ZNF146: variants seen among roughly 807,000 people sequenced by gnomAD.
ZNF146 encodes zinc finger protein 146.
Under a neutral mutation model 22.2 loss-of-function variants are expected in ZNF146, and 9 were observed. The observed-to-expected ratio is 0.41, with a 90% CI of 0.24 to 0.71. The LOEUF (loss-of-function observed/expected upper bound fraction) is 0.71. Ranked by LOEUF, ZNF146 falls within the 30% of genes least tolerant of loss-of-function variation. ZNF146 has a pLI of 0.34. For synonymous variants in ZNF146, 108 were observed against 119.2 expected (o/e 0.91, Z 0.61); for missense variants, 194 against 344.8 (o/e 0.56, Z 3.46).
chr19:36,233,532 CCTT>C (rs1191123248), intron 3 of ZNF146, among the ~76,000 whole-genome samples: 1 of 151,820 alleles, frequency 6.6e-6, no homozygotes, highest in African/African-American at 2.4e-5. Flanking sequence ...TCTTGAGTTC[CCTT>C]AGTATTTATT....
chr19:36,235,211 A>C (rs539183089), intron 3 of ZNF146, among the ~76,000 whole-genome samples: 2 of 140,974 alleles, frequency 1.4e-5, no homozygotes, highest in Non-Finnish European at 3.1e-5. Flanking sequence ...CCGTCTCAAA[A>C]AAAAAAAAAG....
chr19:36,235,242 A>G (rs79066581), intron 3 of ZNF146, among the ~76,000 whole-genome samples: 1,692 of 151,348 alleles, frequency 0.011, 32 homozygotes, highest in African/African-American at 0.039. Flanking sequence ...GATGAACATT[A>G]TTTTTCTTCC....
intron 2 of ZNF146, among the ~76,000 whole-genome samples, chr19:36,222,448 A>G (rs938285170): frequency 2.0e-4 from 30 of 152,210 alleles, no homozygotes; most frequent in African/African-American, 6.8e-4. Context: ...CTAGACTGCT[A>G]TTAATACAAA....
intron 2 of ZNF146, among the ~76,000 whole-genome samples, chr19:36,221,329 C>T (rs1328506559): frequency 1.2e-4 from 17 of 144,182 alleles, no homozygotes. Context: ...CACTCTGTCC[C>T]CTAGGCTGGA....
chr19:36,233,240 G>C (rs886698455), intron 3 of ZNF146, among the ~76,000 whole-genome samples: 37 of 152,026 alleles, frequency 2.4e-4, no homozygotes, highest in Admixed American at 3.3e-4. Flanking sequence ...AAAATTAGGC[G>C]TGGTGATGCA....
At chr19:36,230,845 A>G (rs910087300) in intron 3 of ZNF146, among the ~76,000 whole-genome samples, 20 of 152,138 alleles carry the variant, frequency 1.3e-4, no homozygotes, top group African/African-American at 4.8e-4. Flanking sequence ...TCTGTCACCC[A>G]GGCTGGAGTA....
At chr19:36,221,545 C>T (rs1031572460) in intron 2 of ZNF146, among the ~76,000 whole-genome samples, 1 of 152,100 alleles carries the variant, frequency 6.6e-6, no homozygotes, top group Non-Finnish European at 1.5e-5. Flanking sequence ...GCATCAGCCT[C>T]CCAAAGTACT....
intron 1 of ZNF146, among the ~76,000 whole-genome samples, chr19:36,215,621 A>T (rs185390035): frequency 6.6e-6 from 1 of 152,010 alleles, no homozygotes; most frequent in Admixed American, 6.6e-5. Flanking sequence ...ATATAAAAGC[A>T]TTTCTTTTTA....
intron 2 of ZNF146, among the ~76,000 whole-genome samples, chr19:36,227,884 G>A (rs1383169706): frequency 3.3e-5 from 5 of 152,168 alleles, no homozygotes; most frequent in Admixed American, 2.0e-4. Context: ...AATAGGACAC[G>A]GCACGGTGGC....
intron 2 of ZNF146, among the ~76,000 whole-genome samples, chr19:36,221,284 CTTTTTTTTT>C (rs74172797): frequency 8.3e-4 from 82 of 98,690 alleles, no homozygotes; most frequent in African/African-American, 3.4e-3. Context: ...TAAGGGACTG[CTTTTTTTTT>C]TTTTTTTTTT....
intron 2 of ZNF146, among the ~76,000 whole-genome samples, chr19:36,218,440 T>C (rs1255236127): frequency 6.6e-6 from 1 of 152,008 alleles, no homozygotes; most frequent in Non-Finnish European, 1.5e-5. Flanking sequence ...TCTGAAAGAA[T>C]AAGATATGTA....
chr19:36,222,913 G>A (rs868406013), intron 2 of ZNF146, among the ~76,000 whole-genome samples: 5 of 148,212 alleles, frequency 3.4e-5, no homozygotes, highest in African/African-American at 1.2e-4. Context: ...TTACATAGCC[G>A]TGCTTAGAAT....
intron 2 of ZNF146, among the ~76,000 whole-genome samples, chr19:36,227,234 C>A (rs766318047): frequency 7.0e-6 from 1 of 142,098 alleles, no homozygotes; most frequent in Non-Finnish European, 1.5e-5. Context: ...ACTAAAATTA[C>A]AAAAATTAGC....
intron 2 of ZNF146, among the ~76,000 whole-genome samples, chr19:36,227,274 A>G (rs1166209211): frequency 1.3e-5 from 2 of 151,254 alleles, no homozygotes; most frequent in Non-Finnish European, 2.9e-5. Context: ...CTGTAATCCC[A>G]GCTACTCGGG....
intron 3 of ZNF146, among the ~76,000 whole-genome samples, chr19:36,232,749 T>C (rs1310599689): frequency 1.3e-5 from 2 of 151,984 alleles, no homozygotes; most frequent in East Asian, 1.9e-4. Context: ...GCTGGGATTA[T>C]AGGAGCATGC....
intron 2 of ZNF146, among the ~76,000 whole-genome samples, chr19:36,222,322 T>G (rs1238016204): frequency 6.6e-6 from 1 of 152,238 alleles, no homozygotes; most frequent in Non-Finnish European, 1.5e-5. Context: ...GTTGATTCAG[T>G]TAATCCCGTT....
intron 2 of ZNF146, among the ~76,000 whole-genome samples, chr19:36,227,238 A>AC (rs1286405888): frequency 6.6e-6 from 1 of 151,338 alleles, no homozygotes; most frequent in East Asian, 1.9e-4. Context: ...AAATTACAAA[A>AC]ATTAGCTGGG....
Position 36,238,139 on chromosome 19 carries a change from A to G in ZNF146, c.*820A>G, listed in dbSNP as rs75206820. On this transcript the variant is annotated 3_prime_UTR_variant, in exon 4 of 4. Transcript: ENST00000443387. ...GGGAAATTCTTATGTAATACTATAT[A>G]TCTGTAAAATGCAACAAATGAAATC... 456 of 167,236 alleles carry G rather than the reference A, an allele frequency of 2.7e-3. 9 individuals carry two copies. In the East Asian group the frequency reaches 0.074, roughly 27 times the overall value. The allele number at this position is 167,236 out of a possible 1,614,324, so 10.4% of individuals were successfully genotyped here.
intron 2 of ZNF146, among the ~76,000 whole-genome samples, chr19:36,226,653 G>A (rs1414725645): frequency 6.6e-6 from 1 of 152,066 alleles, no homozygotes; most frequent in Non-Finnish European, 1.5e-5. Context: ...CATTTTGCAA[G>A]AACAAAAACA....
Sources: allele counts gnomAD v4.1 joint callset (sites outside exome capture counted in the v4.1 genomes callset), GRCh38; gene constraint gnomAD v4.1.1; transcripts MANE v1.5; gene names NCBI Gene and HGNC (gene_info 2026-07-23, HGNC 2026-07-21).